KSR2: variants seen among roughly 807,000 people sequenced by gnomAD.
KSR2 encodes the protein kinase suppressor of ras 2.
Under a neutral mutation model 107.8 loss-of-function variants are expected in KSR2, and 25 were observed. That is an observed-to-expected ratio of 0.23 (90% confidence interval 0.17 to 0.32). KSR2 has a LOEUF of 0.32. KSR2 is among the 10% of genes least tolerant of loss of function. The pLI is 1.00. For synonymous variants in KSR2, 480 were observed against 507.0 expected (o/e 0.95, Z 0.71); for missense variants, 887 against 1,268.9 (o/e 0.70, Z 4.57).
At chr12:117,829,984 T>G (rs754485414) in intron 3 of KSR2, among the ~76,000 whole-genome samples, 2 of 152,188 alleles carry the variant, frequency 1.3e-5, no homozygotes, top group Non-Finnish European at 2.9e-5. Context: ...TTCTCACTTA[T>G]AAGTAGAGTG....
chr12:117,801,259 G>T (rs186218658), intron 3 of KSR2, among the ~76,000 whole-genome samples: 7 of 151,930 alleles, frequency 4.6e-5, no homozygotes, highest in South Asian at 4.2e-4. Flanking sequence ...TGGGATTATG[G>T]GCATCTGCCA....
chr12:117,472,488 A>T (rs1871523818), intron 17 of KSR2, among the ~76,000 whole-genome samples: 1 of 152,188 alleles, frequency 6.6e-6, no homozygotes, highest in African/African-American at 2.4e-5. Flanking sequence ...GAAATATCTG[A>T]AACAATCCTA....
chr12:117,507,938 T>G (rs1009546954), intron 14 of KSR2, among the ~76,000 whole-genome samples: 16 of 152,054 alleles, frequency 1.1e-4, no homozygotes, highest in African/African-American at 3.6e-4. Flanking sequence ...CCTATCCTTT[T>G]CCCCTCCATT....
At chr12:117,718,659 A>G (rs1406726396) in intron 4 of KSR2, among the ~76,000 whole-genome samples, 1 of 152,146 alleles carries the variant, frequency 6.6e-6, no homozygotes, top group Non-Finnish European at 1.5e-5. Context: ...TTTGTCCTCT[A>G]AGCCAGGCAC....
chr12:117,633,486 T>C (rs143991756), intron 5 of KSR2, among the ~76,000 whole-genome samples: 264 of 152,314 alleles, frequency 1.7e-3, no homozygotes, highest in African/African-American at 5.9e-3. Context: ...ACAACAGATA[T>C]TTATTCTCTC....
intron 5 of KSR2, among the ~76,000 whole-genome samples, chr12:117,602,224 A>G (rs777823847): frequency 2.2e-4 from 34 of 152,238 alleles, no homozygotes; most frequent in Admixed American, 5.2e-4. Flanking sequence ...TTTTGCTTTC[A>G]ATTGAAGCAA....
At chr12:117,913,067 C>G (rs1446974347) in intron 1 of KSR2, among the ~76,000 whole-genome samples, 2 of 152,172 alleles carry the variant, frequency 1.3e-5, no homozygotes, top group African/African-American at 2.4e-5. Flanking sequence ...AAGGTGGGGA[C>G]AGGGAAACCG....
intron 5 of KSR2, among the ~76,000 whole-genome samples, chr12:117,601,572 T>C (rs1880958478): frequency 6.6e-6 from 1 of 152,008 alleles, no homozygotes; most frequent in Non-Finnish European, 1.5e-5. Context: ...GTGAAGCATC[T>C]ACAAGCCAGT....
At chr12:117,884,202 C>A (rs535098907) in intron 1 of KSR2, among the ~76,000 whole-genome samples, 7 of 152,292 alleles carry the variant, frequency 4.6e-5, no homozygotes, top group Admixed American at 1.3e-4. Flanking sequence ...TGAAGGTGTG[C>A]TCCCCGCTCC....
intron 3 of KSR2, among the ~76,000 whole-genome samples, chr12:117,829,854 A>G (rs1891893593): frequency 6.6e-6 from 1 of 152,208 alleles, no homozygotes; most frequent in Non-Finnish European, 1.5e-5. Flanking sequence ...ACACATTTCA[A>G]AGTGGCATAA....
At position 117,631,108 on chromosome 12, in the gene KSR2, T is replaced by C. The variant is rs554257442; in HGVS notation, c.1171+36366A>G. ...TGAGGCCAGGAGCTCAAGACCAGCC[T>C]GGGAAACAGTGAAACTCTGTCTCTA... is the stretch of plus-strand genomic sequence containing the variant. On this transcript the variant is annotated intron_variant, in intron 5 of 19. Transcript: ENST00000339824. Among the ~76,000 whole-genome samples, 7 of 152,244 alleles carry C rather than the reference T, an allele frequency of 4.6e-5. No homozygotes were observed. In the South Asian group the frequency reaches 1.5e-3, roughly 32 times the overall value.
intron 9 of KSR2, among the ~76,000 whole-genome samples, chr12:117,550,781 G>C (rs776181594): frequency 3.3e-5 from 5 of 152,192 alleles, no homozygotes; most frequent in Non-Finnish European, 7.3e-5. Context: ...CATCAGAGCA[G>C]ACCCATAAAG....
intron 12 of KSR2, among the ~76,000 whole-genome samples, chr12:117,530,253 T>A (rs1273810683): frequency 6.6e-6 from 1 of 152,150 alleles, no homozygotes; most frequent in East Asian, 1.9e-4. Context: ...TAGCCCACAT[T>A]TTCCAAAATT....
At chr12:117,636,122 T>C (rs1883060297) in intron 5 of KSR2, among the ~76,000 whole-genome samples, 1 of 152,138 alleles carries the variant, frequency 6.6e-6, no homozygotes, top group Non-Finnish European at 1.5e-5. Context: ...TGCTAGACTT[T>C]ATTTGGATTT....
intron 14 of KSR2, among the ~76,000 whole-genome samples, chr12:117,495,611 C>G (rs750411775): frequency 7.2e-5 from 11 of 152,346 alleles, no homozygotes; most frequent in Middle Eastern, 3.4e-3. Context: ...CACGAGGGCA[C>G]TGAGCTTTTG....
chr12:117,736,300 T>C (rs779586639), intron 4 of KSR2, among the ~76,000 whole-genome samples: 8 of 152,154 alleles, frequency 5.3e-5, no homozygotes, highest in Non-Finnish European at 1.2e-4. Context: ...AGTCTGTAAA[T>C]TTCACAGCTT....
chr12:117,467,677 G>A, intron 19 of KSR2: 1 of 345,788 alleles, frequency 2.9e-6, no homozygotes, highest in Non-Finnish European at 5.5e-6. Context: ...CAGGAAGAGG[G>A]GGTGGGACTG....
At chr12:117,790,433 G>A (rs376557072) in intron 3 of KSR2, among the ~76,000 whole-genome samples, 9 of 152,148 alleles carry the variant, frequency 5.9e-5, no homozygotes, top group South Asian at 4.1e-4. Context: ...GTCTGGCTCC[G>A]TGAATCTGCA....
At chr12:117,833,045 G>A (rs976215097) in intron 3 of KSR2, among the ~76,000 whole-genome samples, 16 of 152,194 alleles carry the variant, frequency 1.1e-4, no homozygotes, top group Non-Finnish European at 1.5e-5. Context: ...GGGTGGTGGA[G>A]GCGGGAAGGT....
Sources: allele counts gnomAD v4.1 joint callset (sites outside exome capture counted in the v4.1 genomes callset), GRCh38; gene constraint gnomAD v4.1.1; transcripts MANE v1.5; gene names NCBI Gene and HGNC (gene_info 2026-07-23, HGNC 2026-07-21).